SNTG1: variants seen among roughly 807,000 people sequenced by gnomAD.
The protein encoded by SNTG1 is syntrophin gamma 1, also known as gamma-1-syntrophin.
Under a neutral mutation model 74.7 loss-of-function variants are expected in SNTG1, and 39 were observed. That is an observed-to-expected ratio of 0.52 (90% CI 0.40 to 0.68). The LOEUF (loss-of-function observed/expected upper bound fraction) is 0.68. SNTG1 is among the 30% of genes least tolerant of loss of function. SNTG1 has a pLI of 0.00. For synonymous variants in SNTG1, 254 were observed against 217.1 expected (o/e 1.17, Z -1.49); for missense variants, 685 against 609.5 (o/e 1.12, Z -1.30).
chr8:50,631,408 A>G (rs1057288794), intron 13 of SNTG1, among the ~76,000 whole-genome samples: 4 of 152,240 alleles, frequency 2.6e-5, no homozygotes, highest in African/African-American at 7.2e-5. Flanking sequence ...TTATAGAGAC[A>G]TGAATCTAGT....
intron 9 of SNTG1, among the ~76,000 whole-genome samples, chr8:50,519,073 G>T (rs2094157804): frequency 6.6e-6 from 1 of 151,928 alleles, no homozygotes; most frequent in Non-Finnish European, 1.5e-5. Flanking sequence ...CTCTCAAAAT[G>T]AATCCAGCAG....
chr8:50,620,098 G>T (rs1375336930), intron 13 of SNTG1, among the ~76,000 whole-genome samples: 1 of 152,032 alleles, frequency 6.6e-6, no homozygotes, highest in South Asian at 2.1e-4. Flanking sequence ...GGGGATCTAA[G>T]GGAGACTTGT....
At chr8:50,726,202 A>G (rs1251837246) in intron 17 of SNTG1, among the ~76,000 whole-genome samples, 4 of 152,222 alleles carry the variant, frequency 2.6e-5, no homozygotes, top group African/African-American at 9.7e-5. Context: ...AGCTCATAAC[A>G]AAGTCATTCA....
At chr8:50,638,494 T>C (rs1162681381) in intron 13 of SNTG1, among the ~76,000 whole-genome samples, 1 of 152,212 alleles carries the variant, frequency 6.6e-6, no homozygotes, top group East Asian at 1.9e-4. Flanking sequence ...AATCAAGAAG[T>C]AGAGTTACAA....
At chr8:50,116,864 C>A (rs1443028453) in intron 1 of SNTG1, among the ~76,000 whole-genome samples, 4 of 152,050 alleles carry the variant, frequency 2.6e-5, no homozygotes, top group African/African-American at 9.7e-5. Context: ...CTCTACCTGA[C>A]CATGGCATCA....
intron 11 of SNTG1, among the ~76,000 whole-genome samples, chr8:50,544,022 G>A (rs951847886): frequency 6.6e-6 from 1 of 152,002 alleles, no homozygotes; most frequent in Middle Eastern, 3.4e-3. Context: ...AAATTGATTT[G>A]TTAGATTTTA....
chr8:50,705,280 C>T (rs529873813), intron 16 of SNTG1, among the ~76,000 whole-genome samples: 1 of 152,134 alleles, frequency 6.6e-6, no homozygotes, highest in African/African-American at 2.4e-5. Flanking sequence ...CCTGTTCAAA[C>T]AACTCTTCTT....
chr8:50,585,901 C>G (rs911274491), intron 12 of SNTG1, among the ~76,000 whole-genome samples: 12 of 152,068 alleles, frequency 7.9e-5, no homozygotes, highest in African/African-American at 2.4e-4. Context: ...TGAGAGTTCA[C>G]TTATAATTTA....
At chr8:50,401,916 C>T (rs754822684) in intron 3 of SNTG1, among the ~76,000 whole-genome samples, 3 of 152,122 alleles carry the variant, frequency 2.0e-5, no homozygotes, top group Non-Finnish European at 2.9e-5. Flanking sequence ...ATAAGTATTA[C>T]AAAAATCCTC....
intron 15 of SNTG1, among the ~76,000 whole-genome samples, chr8:50,673,537 A>C (rs1468986304): frequency 6.6e-6 from 1 of 152,046 alleles, no homozygotes; most frequent in African/African-American, 2.4e-5. Flanking sequence ...GTATGTTGAG[A>C]CTTTGCTGAA....
At chr8:50,510,987 A>C (rs2094067084) in intron 9 of SNTG1, among the ~76,000 whole-genome samples, 1 of 151,856 alleles carries the variant, frequency 6.6e-6, no homozygotes, top group Non-Finnish European at 1.5e-5. Flanking sequence ...TGGCTTCTCT[A>C]TTTCTTTTAA....
At chr8:50,530,027 C>A in intron 9 of SNTG1, 150 bp from the exon 10 acceptor site, 1 of 655,226 alleles carries the variant, frequency 1.5e-6, no homozygotes, top group Non-Finnish European at 2.6e-6. Flanking sequence ...ACTTGCAAAA[C>A]TCTGGCTTTA....
At chr8:50,434,255 T>C (rs555760796) in intron 4 of SNTG1, among the ~76,000 whole-genome samples, 1 of 152,352 alleles carries the variant, frequency 6.6e-6, no homozygotes, top group Non-Finnish European at 1.5e-5. Flanking sequence ...TTCCATGGTA[T>C]ATGTGTGCCA....
intron 1 of SNTG1, among the ~76,000 whole-genome samples, chr8:50,096,027 G>A (rs1025270164): frequency 2.0e-5 from 3 of 151,720 alleles, no homozygotes; most frequent in Non-Finnish European, 4.4e-5. Context: ...AAGGTCAATA[G>A]AGCCCCAATC....
At chr8:50,681,765 G>A (rs981399847) in intron 15 of SNTG1, among the ~76,000 whole-genome samples, 1 of 152,158 alleles carries the variant, frequency 6.6e-6, no homozygotes. Flanking sequence ...CCATTTATAT[G>A]CCAATGATTC....
At chr8:49,973,283 T>C (rs1209544930) in intron 1 of SNTG1, among the ~76,000 whole-genome samples, 1 of 151,482 alleles carries the variant, frequency 6.6e-6, no homozygotes, top group Admixed American at 6.6e-5. Context: ...AAACACCGCA[T>C]GTTCTCACTC....
chr8:50,693,137 C>T (rs2095389605), intron 15 of SNTG1, among the ~76,000 whole-genome samples: 1 of 152,168 alleles, frequency 6.6e-6, no homozygotes, highest in East Asian at 1.9e-4. Flanking sequence ...ACCCAATTTT[C>T]CAGGTGCCGT....
intron 15 of SNTG1, among the ~76,000 whole-genome samples, chr8:50,688,554 A>T (rs578005320): frequency 6.6e-6 from 1 of 152,182 alleles, no homozygotes; most frequent in Non-Finnish European, 1.5e-5. Context: ...TTTGTCAAAG[A>T]TCAGATAATT....
intron 1 of SNTG1, among the ~76,000 whole-genome samples, chr8:50,023,523 G>T (rs886801192): frequency 6.6e-6 from 1 of 152,148 alleles, no homozygotes; most frequent in African/African-American, 2.4e-5. Context: ...GAGGGTAAAA[G>T]CTAAAGCCTG....
Sources: gnomAD v4.1 joint callset for allele counts (sites outside exome capture counted in the v4.1 genomes callset) on GRCh38, gnomAD v4.1.1 for gene constraint, MANE v1.5 for transcripts, NCBI Gene and HGNC (gene_info 2026-07-23, HGNC 2026-07-21) for gene names.